The following NEK1 variants were observed in gnomAD, a reference collection of about 807,000 sequenced individuals.
NEK1 encodes serine/threonine-protein kinase Nek1.
NEK1 carries 137 observed loss-of-function variants against 182.1 expected under a neutral mutation model. That is an observed-to-expected ratio of 0.75 (90% CI 0.65 to 0.87). NEK1 has a LOEUF of 0.87. Among genes scored for constraint, NEK1 ranks in the 40% least tolerant of loss-of-function variants. The pLI, the probability that NEK1 is intolerant of heterozygous loss-of-function variation, is 0.00. For missense variants in NEK1, 1,391 were observed against 1,494.4 expected (o/e 0.93, Z 1.14); for synonymous variants, 513 against 492.2 (o/e 1.04, Z -0.56).
At chr4:169,457,513 A>T (rs1248793411) in intron 27 of NEK1, among the ~76,000 whole-genome samples, 3 of 151,462 alleles carry the variant, frequency 2.0e-5, no homozygotes, top group Admixed American at 1.3e-4. Flanking sequence ...AGCCCTTTGG[A>T]GGCTGAGGCA....
intron 16 of NEK1, 21 bp from the exon 17 acceptor site, chr4:169,556,116 T>G (rs757562226): frequency 2.6e-5 from 42 of 1,600,668 alleles, no homozygotes; most frequent in Non-Finnish European, 3.6e-5. Flanking sequence ...AACAAAGAGC[T>G]CTCACATGTT....
chr4:169,403,526 C>A (rs1281410008), intron 32 of NEK1, among the ~76,000 whole-genome samples: 2 of 152,118 alleles, frequency 1.3e-5, no homozygotes, highest in Admixed American at 6.5e-5. Context: ...ACTATGATTG[C>A]AGCACTGTAC....
intron 31 of NEK1, among the ~76,000 whole-genome samples, chr4:169,410,567 A>G (rs754951305): frequency 8.5e-5 from 13 of 152,190 alleles, no homozygotes; most frequent in Non-Finnish European, 1.8e-4. Context: ...GCTGCTCTCT[A>G]AGAATAACCA....
intron 16 of NEK1, 51 bp from the exon 17 acceptor site, chr4:169,556,146 G>C: frequency 1.3e-6 from 2 of 1,520,042 alleles, no homozygotes; most frequent in South Asian, 2.5e-5. Flanking sequence ...AGGCCTAACA[G>C]GCCTGTACTA....
chr4:169,406,241 A>G (rs1438888302), intron 32 of NEK1, among the ~76,000 whole-genome samples: 1 of 152,168 alleles, frequency 6.6e-6, no homozygotes, highest in Non-Finnish European at 1.5e-5. Context: ...CAGCTAGGTG[A>G]TAGAGTGACA....
intron 31 of NEK1, among the ~76,000 whole-genome samples, chr4:169,407,061 T>G (rs1414892430): frequency 6.6e-6 from 1 of 152,114 alleles, no homozygotes; most frequent in East Asian, 1.9e-4. Context: ...TGATACCACC[T>G]TTGAAAACTG....
At chr4:169,561,407 C>A (rs1247910765) in intron 16 of NEK1, 73 bp downstream of exon 16, 8 of 1,269,464 alleles carry the variant, frequency 6.3e-6, no homozygotes, top group Non-Finnish European at 9.2e-6. Flanking sequence ...ATCCCAAGTA[C>A]ATGCATTTTA....
chr4:169,417,952 A>G (rs183186674), intron 31 of NEK1, among the ~76,000 whole-genome samples: 27 of 152,358 alleles, frequency 1.8e-4, no homozygotes, highest in African/African-American at 6.5e-4. Flanking sequence ...GAGATTCATT[A>G]AAATAAAACA....
chr4:169,580,043 C>T (rs1000317417), intron 11 of NEK1, among the ~76,000 whole-genome samples: 3 of 152,222 alleles, frequency 2.0e-5, no homozygotes, highest in Admixed American at 6.5e-5. Context: ...CACATAGATA[C>T]ATCTAAATAC....
At chr4:169,571,673 G>C (rs1376919691) in intron 12 of NEK1, among the ~76,000 whole-genome samples, 1 of 152,156 alleles carries the variant, frequency 6.6e-6, no homozygotes, top group Non-Finnish European at 1.5e-5. Context: ...AGTAGCAAAT[G>C]AGACTTGGAA....
chr4:169,577,361 C>A (rs145370129), intron 11 of NEK1, among the ~76,000 whole-genome samples: 2 of 151,230 alleles, frequency 1.3e-5, no homozygotes, highest in Non-Finnish European at 2.9e-5. Context: ...GATGGTTGCA[C>A]GTATCGGTGA....
At chr4:169,406,448 T>C (rs1732631499) in intron 32 of NEK1, 148 bp downstream of exon 32, 2 of 487,642 alleles carry the variant, frequency 4.1e-6, no homozygotes, top group Non-Finnish European at 6.8e-6. Flanking sequence ...TGAGACCCTG[T>C]CTCTTAAAAT....
At chr4:169,584,243 T>C (rs1767154036) in intron 10 of NEK1, among the ~76,000 whole-genome samples, 1 of 152,180 alleles carries the variant, frequency 6.6e-6, no homozygotes, top group African/African-American at 2.4e-5. Context: ...AGTAATCTAG[T>C]ATACCTACAT....
intron 27 of NEK1, among the ~76,000 whole-genome samples, chr4:169,444,338 G>A (rs890365972): frequency 1.1e-4 from 17 of 151,758 alleles, no homozygotes; most frequent in Admixed American, 3.9e-4. Flanking sequence ...TGGCTGAATG[G>A]TTAAAAAAAA....
In NEK1 at chr4:169,401,756, A is replaced by G. The variant is rs750745813; in HGVS notation, c.3479T>C (p.Val1160Ala). The G allele has an allele frequency of 6.2e-7, 1 of 1,613,860 alleles. No homozygotes were observed. Among genetic ancestry groups the G allele is most frequent in the Admixed American group, 1.7e-5 (1 of 59,996 alleles). Residue 1160 changes from valine (V) to alanine (A), a missense_variant, in exon 33 of 36, where the codon GTC (valine) becomes GCC (alanine). By Grantham distance (64) the Val-to-Ala change is moderately conservative. Coordinates refer to ENST00000507142, the MANE Select transcript of NEK1 (RefSeq NM_001199397.3). ...GEEYSEEEESVLKNSDVEPTA... is the reference protein window; with the variant it reads ...GEEYSEEEESALKNSDVEPTA... Reference sequence around the variant, plus strand: ...TGGCTCCACATCACTGTTCTTCAAGACTGACTCTTCTTCTTCACTGTATTC... The same window carrying G: ...TGGCTCCACATCACTGTTCTTCAAGGCTGACTCTTCTTCTTCACTGTATTC...
chr4:169,577,176 C>G, intron 11 of NEK1, 97 bp from the exon 12 acceptor site: 1 of 1,142,868 alleles, frequency 8.7e-7, no homozygotes, highest in Non-Finnish European at 1.3e-6. Flanking sequence ...TTTTCATAAT[C>G]ATTGATAGTA....
chr4:169,497,204 A>C (rs1482924627), intron 23 of NEK1, among the ~76,000 whole-genome samples: 6 of 152,178 alleles, frequency 3.9e-5, no homozygotes, highest in African/African-American at 1.4e-4. Flanking sequence ...AGGTGTTTAT[A>C]GTATTCTCTG....
intron 23 of NEK1, among the ~76,000 whole-genome samples, chr4:169,499,628 C>G (rs189031657): frequency 1.3e-5 from 2 of 152,336 alleles, no homozygotes; most frequent in East Asian, 3.9e-4. Flanking sequence ...ACAGTCAGGA[C>G]CCTCAGCTGC....
chr4:169,506,864 G>GA, intron 23 of NEK1, 173 bp downstream of exon 23: 1 of 366,342 alleles, frequency 2.7e-6, no homozygotes, highest in Non-Finnish European at 4.8e-6. Flanking sequence ...TTAAATGCGA[G>GA]AGAGACAGAG....
Sources: gnomAD v4.1 joint callset for allele counts (sites outside exome capture counted in the v4.1 genomes callset) on GRCh38, gnomAD v4.1.1 for gene constraint, MANE v1.5 for transcripts, NCBI Gene and HGNC (gene_info 2026-07-23, HGNC 2026-07-21) for gene names.